Variants in KICS2 observed in about 807,000 individuals in gnomAD.
KICS2 encodes the protein KICSTOR complex protein C12orf66.
KICS2 carries 13 observed loss-of-function variants against 31.4 expected under a neutral mutation model. The ratio of observed to expected loss-of-function variants is 0.41; its 90% CI spans 0.27 to 0.66. The LOEUF is 0.66. KICS2 is among the 30% of genes least tolerant of loss of function. KICS2 has a pLI of 0.28. For missense variants in KICS2, 455 were observed against 545.4 expected (o/e 0.83, Z 1.65); for synonymous variants, 209 against 214.8 (o/e 0.97, Z 0.24).
intron 1 of KICS2, 85 bp downstream of exon 1, chr12:64,221,918 G>A (rs2037687385): frequency 1.4e-6 from 2 of 1,398,084 alleles, no homozygotes; most frequent in Non-Finnish European, 9.7e-7. Context: ...GTGACACAGA[G>A]ACGGGAAACC....
At chr12:64,220,472 T>C (rs551694759) in intron 1 of KICS2, among the ~76,000 whole-genome samples, 39 of 152,198 alleles carry the variant, frequency 2.6e-4, no homozygotes, top group African/African-American at 9.4e-4. Flanking sequence ...CGCAAAATTA[T>C]ATGTACATAT....
intron 2 of KICS2, among the ~76,000 whole-genome samples, chr12:64,211,578 C>A (rs1456735972): frequency 1.3e-5 from 2 of 151,988 alleles, no homozygotes; most frequent in Non-Finnish European, 2.9e-5. Context: ...AAGATCACGC[C>A]ACTGCACTCC....
Position 64,191,500 on chromosome 12 carries a change from TGGG to T in KICS2, c.*2339_*2341del, listed in dbSNP as rs918150231. On this transcript the variant is annotated 3_prime_UTR_variant, in exon 3 of 3. Coordinates refer to ENST00000398055, the MANE Select transcript of KICS2 (RefSeq NM_152440.5). ...TGAAGTATATATTCTTCTAGGTATT[TGGG>T]GGACTGTGTCATTAAGGCTAATGGT... is the stretch of plus-strand genomic sequence containing the variant. The T allele has an allele frequency of 6.6e-6, 1 of 152,178 alleles. No homozygotes were observed. The highest frequency in any genetic ancestry group is 2.4e-5 in the African/African-American group (1 of 41,442). 9.4% of individuals were successfully genotyped at this position (152,178 alleles called of 1,614,324 possible). A position where few individuals can be genotyped will look rare whatever the true frequency, so the allele number is the denominator to read the frequency against.
intron 2 of KICS2, among the ~76,000 whole-genome samples, chr12:64,196,140 G>T (rs1397289344): frequency 2.6e-5 from 4 of 152,162 alleles, no homozygotes; most frequent in Non-Finnish European, 4.4e-5. Flanking sequence ...CTCCACCTCT[G>T]GGGGCAGGGC....
intron 2 of KICS2, among the ~76,000 whole-genome samples, chr12:64,196,358 A>T (rs1322683071): frequency 9.9e-5 from 15 of 151,682 alleles, no homozygotes; most frequent in Admixed American, 3.9e-4. Context: ...CTCACACGGC[A>T]GGGTATTCCA....
chr12:64,187,720 A>T, downstream of KICS2: 1 of 1,307,004 alleles, frequency 7.7e-7, no homozygotes, highest in South Asian at 1.4e-5. Flanking sequence ...GGGGAGTCAC[A>T]TAGCATGTTT....
At position 64,201,628 on chromosome 12, in the gene KICS2, A is replaced by AAAAC. The variant is rs1555181405; in HGVS notation, c.522-6971_522-6970insGTTT. 3.8e-3 allele frequency among the ~76,000 whole-genome samples: 561 copies of AAAAC among 146,064 alleles called. 3 individuals carry two copies. The highest frequency in any genetic ancestry group is 0.013 in the African/African-American group (507 of 38,910). The stretch of plus-strand genomic sequence containing the variant: ...AATAAAAAAAAAAAAAGAAAAAAAA[A>AAAAC]AAAAACAAAATGGTGGCCAGCCTGG... On this transcript the variant is annotated intron_variant, in intron 2 of 2. Transcript: ENST00000398055.
rs1276397801 is a variant in KICS2, at chr12:64,191,883, C to G, written c.*1959G>C. 6.6e-6 allele frequency: 1 copy of G among 151,640 alleles called. No individual in the cohort carries two copies. The highest frequency in any genetic ancestry group is 1.5e-5 in the Non-Finnish European group (1 of 67,948). The allele number at this position is 151,640 out of a possible 1,614,324, so 9.4% of individuals were successfully genotyped here. A position where few individuals can be genotyped will look rare whatever the true frequency, so the allele number is the denominator to read the frequency against. On this transcript the variant is annotated 3_prime_UTR_variant, in exon 3 of 3. Coordinates refer to ENST00000398055, the MANE Select transcript of KICS2 (RefSeq NM_152440.5). ...TGAGTCCAGGAGTTTGAGTCCAGCCCGAGCAACATAGTGAGACCCAGGTGT... is the reference window on the plus strand; with the variant it reads ...TGAGTCCAGGAGTTTGAGTCCAGCCGGAGCAACATAGTGAGACCCAGGTGT...
At chr12:64,188,246 T>A (rs1182214512), downstream of KICS2, among the ~76,000 whole-genome samples, 1 of 152,114 alleles carries the variant, frequency 6.6e-6, no homozygotes, top group Non-Finnish European at 1.5e-5. Flanking sequence ...AGGATGGGGC[T>A]GGGCACAGTG....
At chr12:64,221,113 G>T (rs1246622344) in intron 1 of KICS2, among the ~76,000 whole-genome samples, 1 of 138,402 alleles carries the variant, frequency 7.2e-6, no homozygotes, top group East Asian at 2.2e-4. Context: ...AGGGAACGGG[G>T]GGGGGTGGAT....
downstream of KICS2, chr12:64,187,528 C>G: frequency 2.9e-6 from 3 of 1,046,154 alleles, no homozygotes; most frequent in Non-Finnish European, 4.3e-6. Context: ...TACACCATAT[C>G]AAGAGAAGTC....
At chr12:64,209,937 T>G (rs1222921464) in intron 2 of KICS2, among the ~76,000 whole-genome samples, 1 of 152,206 alleles carries the variant, frequency 6.6e-6, no homozygotes, top group Non-Finnish European at 1.5e-5. Context: ...ATTAACTTTT[T>G]CAATACAACA....
intron 2 of KICS2, among the ~76,000 whole-genome samples, chr12:64,195,120 C>T (rs996459641): frequency 1.3e-5 from 2 of 152,078 alleles, no homozygotes; most frequent in Admixed American, 1.3e-4. Context: ...CAAGGTCTCC[C>T]TATGTTGCCC....
downstream of KICS2, chr12:64,187,512 C>G: frequency 1.1e-6 from 1 of 888,204 alleles, no homozygotes; most frequent in Non-Finnish European, 1.7e-6. Flanking sequence ...TGAAACCTTA[C>G]GGATTTACAC....
chr12:64,206,865 C>T (rs1236589116), intron 2 of KICS2, among the ~76,000 whole-genome samples: 1 of 152,088 alleles, frequency 6.6e-6, no homozygotes, highest in Non-Finnish European at 1.5e-5. Flanking sequence ...GAAAACAGAA[C>T]AGTGGTTGCC....
At chr12:64,195,552 T>C (rs2037426045) in intron 2 of KICS2, among the ~76,000 whole-genome samples, 1 of 152,190 alleles carries the variant, frequency 6.6e-6, no homozygotes, top group African/African-American at 2.4e-5. Context: ...CAAATTCCCT[T>C]CATATTAATT....
At position 64,222,144 on chromosome 12, in the gene KICS2, T is replaced by G; in HGVS notation, c.94A>C (p.Lys32Gln). The change falls in exon 1 of 3, where the codon AAG becomes CAG. Residue 32 changes from lysine (K) to glutamine (Q), a missense_variant. Coordinates refer to ENST00000398055, the MANE Select transcript of KICS2 (RefSeq NM_152440.5). The stretch of plus-strand genomic sequence containing the variant: ...TCCTTCTCCACATTGTCCTTAGCCT[T>G]GTCGTAAGAGAAGATACCCAGGTGA... ...FSHLGIFSYD[K>Q]AKDNVEKERE... is the part of the protein sequence containing the mutation. 1 of 1,614,010 alleles carries G rather than the reference T, an allele frequency of 6.2e-7. No homozygotes were observed. Among genetic ancestry groups the G allele is most frequent in the Non-Finnish European group, 8.5e-7 (1 of 1,179,944 alleles).
In KICS2 at chr12:64,222,260, C is replaced by A. The variant is rs531973279; in HGVS notation, c.-23G>T. ...CATGCGAGCTGCGCCCCAGCTCGAC[C>A]CACGTGGCTCTCCTCGGCCTCGCAC... On this transcript the variant is annotated 5_prime_UTR_variant, in exon 1 of 3. Transcript: ENST00000398055. The A allele has an allele frequency of 1.7e-5, 27 of 1,610,716 alleles. No individual in the cohort carries two copies. The highest frequency in any genetic ancestry group is 2.1e-5 in the Non-Finnish European group (25 of 1,178,662).
In KICS2 at chr12:64,222,203, G is replaced by A. The variant is rs1422856168; in HGVS notation, c.35C>T (p.Pro12Leu). The A allele has an allele frequency of 3.7e-6, 6 of 1,614,038 alleles. No homozygotes were observed. The highest frequency in any genetic ancestry group is 1.1e-5 in the South Asian group (1 of 91,072). ...CGTCTCCAGCACCGCCTGTTCCACC[G>A]GGACCGGGGCGGCCAGCGGGATAGA... is the stretch of plus-strand genomic sequence containing the variant. ...GESIPLAAPV[P>L]VEQAVLETFF... Residue 12 changes from proline to leucine, a missense_variant, in exon 1 of 3, where the codon CCG becomes CTG. Physicochemically the swap from Pro to Leu is moderately conservative, Grantham distance 98 (BLOSUM62 -3). Coordinates refer to ENST00000398055, the MANE Select transcript of KICS2 (RefSeq NM_152440.5).
Sources: gnomAD v4.1 joint callset for allele counts (sites outside exome capture counted in the v4.1 genomes callset) on GRCh38, gnomAD v4.1.1 for gene constraint, MANE v1.5 for transcripts, NCBI Gene and HGNC (gene_info 2026-07-23, HGNC 2026-07-21) for gene names.